Variants in SPDYC observed in about 807,000 individuals in gnomAD.
The protein encoded by SPDYC is speedy/RINGO cell cycle regulator family member C, also known as speedy protein C.
In SPDYC, 25 loss-of-function variants were observed where a neutral mutation model predicts 33.9. That is an observed-to-expected ratio of 0.74 (90% CI 0.54 to 1.03). The LOEUF is 1.03. Among genes scored for constraint, SPDYC ranks in the 50% least tolerant of loss-of-function variants. The pLI is 0.00. For missense variants in SPDYC, 349 were observed against 382.9 expected, an observed-to-expected ratio of 0.91 and a Z score of 0.74; for synonymous variants, 133 against 140.2, an observed-to-expected ratio of 0.95 and a Z score of 0.36.
exon 6 of SPDYC, chr11:65,172,734 C>T (rs1221042233): frequency 1.2e-6 from 2 of 1,613,156 alleles, no homozygotes; most frequent in African/African-American, 1.3e-5. Context: ...ACCGGCGCCC[C>T]CACCATGGTG....
downstream of SPDYC, chr11:65,173,271 T>G (rs2137291035): frequency 1.3e-6 from 2 of 1,594,406 alleles, no homozygotes. Flanking sequence ...TGACACACCA[T>G]TGGCTGTGCT....
intron 2 of SPDYC, 72 bp downstream of exon 2, chr11:65,171,571 C>T (rs1948434717): frequency 7.1e-7 from 1 of 1,417,846 alleles, no homozygotes; most frequent in Non-Finnish European, 9.3e-7. Flanking sequence ...TGTGGGGTCT[C>T]ACCTGCCTGT....
intron 6 of SPDYC, 66 bp from the exon 7 acceptor site, chr11:65,173,117 C>T (rs370278123): frequency 1.2e-4 from 188 of 1,603,834 alleles, no homozygotes; most frequent in Middle Eastern, 1.0e-3. Flanking sequence ...CTGGGGTCGA[C>T]GTGCTGCCCC....
chr11:65,172,229 C>A lies in SPDYC; in HGVS notation c.259-17C>A. The stretch of plus-strand genomic sequence containing the variant: ...CTCAGAGAATAACTAACCCCCCACC[C>A]CGATCTGTCTCTGCAGTATCTCCTG... On this transcript the variant is annotated splice_polypyrimidine_tract_variant and intron_variant, in intron 3 of 6. Coordinates refer to ENST00000377185, the Ensembl canonical transcript of SPDYC. The A allele has an allele frequency of 6.2e-7, 1 of 1,614,098 alleles. No individual in the cohort carries two copies. The highest frequency in any genetic ancestry group is 1.1e-5 in the South Asian group (1 of 91,092).
chr11:65,172,527 G>T, exon 5 of SPDYC: 3 of 1,577,152 alleles, frequency 1.9e-6, no homozygotes, highest in Non-Finnish European at 2.6e-6. Flanking sequence ...TACGAGTGGG[G>T]AAATTCCTGC....
exon 4 of SPDYC, chr11:65,172,275 C>T (rs144985521): frequency 6.2e-7 from 1 of 1,614,066 alleles, no homozygotes; most frequent in African/African-American, 1.3e-5. Flanking sequence ...TGGTCTACTT[C>T]CAGCGCGCCC....
chr11:65,170,445 C>G (rs1047148573), intron 1 of SPDYC, among the ~76,000 whole-genome samples, 184 bp downstream of exon 1: 1 of 152,182 alleles, frequency 6.6e-6, no homozygotes, highest in African/African-American at 2.4e-5. Context: ...TCAACTTGCT[C>G]TAAATCCAGG....
chr11:65,171,916 G>A lies in SPDYC; in HGVS notation c.200-27G>A, dbSNP rs78821014. 1,297 of 1,611,606 alleles carry A rather than the reference G, an allele frequency of 8.0e-4. 10 individuals are homozygous for A. The African/African-American group carries it at 0.012, about 15-fold the overall frequency. ...CTCCATGGAGGTGGTGGTAACCTGC[G>A]TCCTGTCATGTCTTCTCTACCCTCA... On this transcript the variant is annotated intron_variant, in intron 2 of 6. Transcript: ENST00000377185.
intron 6 of SPDYC, 69 bp from the exon 7 acceptor site, chr11:65,173,114 C>T (rs1319633429): frequency 6.2e-6 from 10 of 1,601,944 alleles, no homozygotes; most frequent in Admixed American, 1.7e-5. Flanking sequence ...GGCCTGGGGT[C>T]GACGTGCTGC....
At chr11:65,170,403 G>C in intron 1 of SPDYC, 142 bp downstream of exon 1, 1 of 750,978 alleles carries the variant, frequency 1.3e-6, no homozygotes, top group Non-Finnish European at 1.9e-6. Flanking sequence ...GTGGGTTTAG[G>C]ACGGGAGCTT....
At chr11:65,171,232 C>T in intron 1 of SPDYC, 95 bp from the exon 2 acceptor site, 1 of 1,376,758 alleles carries the variant, frequency 7.3e-7, no homozygotes, top group Non-Finnish European at 9.8e-7. Flanking sequence ...AGTCTCTGCA[C>T]CCACCCCTCC....
chr11:65,171,965 C>T (rs375301773), exon 3 of SPDYC: 208 of 1,613,930 alleles, frequency 1.3e-4, no homozygotes, highest in Non-Finnish European at 1.7e-4. Flanking sequence ...TCCAGGAATT[C>T]CTCTCCAAAG....
chr11:65,172,204 C>G (rs1273013948), intron 3 of SPDYC, 42 bp from the exon 4 acceptor site: 1 of 1,610,798 alleles, frequency 6.2e-7, no homozygotes, highest in Non-Finnish European at 8.5e-7. Flanking sequence ...GCCCCTCCTC[C>G]TCAGAGAATA....
At chr11:65,170,568 G>T (rs1948420030) in intron 1 of SPDYC, among the ~76,000 whole-genome samples, 2 of 152,100 alleles carry the variant, frequency 1.3e-5, no homozygotes, top group African/African-American at 4.8e-5. Context: ...GTGAGTTGGG[G>T]CCTAGAGGAG....
In SPDYC at chr11:65,171,515, T is replaced by A; in HGVS notation, c.199+16T>A. On this transcript the variant is annotated intron_variant, in intron 2 of 6. Coordinates refer to ENST00000377185, the Ensembl canonical transcript of SPDYC. ...AGCCTTCTGGGTGAGTTTGGAGGGC[T>A]GGCACGGGAGGGGCCGTGAGGTCAA... 1 of 1,541,856 alleles carries A rather than the reference T, an allele frequency of 6.5e-7. No individual in the cohort carries two copies.
chr11:65,171,105 C>A (rs1206650549), intron 1 of SPDYC, among the ~76,000 whole-genome samples: 1 of 151,982 alleles, frequency 6.6e-6, no homozygotes, highest in Non-Finnish European at 1.5e-5. Flanking sequence ...TCTGGCCTGT[C>A]CTGGGGTGCC....
At chr11:65,172,980 G>C (rs1341108902) in exon 6 of SPDYC, 1 of 1,613,820 alleles carries the variant, frequency 6.2e-7, no homozygotes, top group African/African-American at 1.3e-5. Flanking sequence ...TGCCTCCCCA[G>C]ATGCAACTGG....
At chr11:65,170,356 C>T (rs897228757) in intron 1 of SPDYC, 95 bp downstream of exon 1, 11 of 1,293,554 alleles carry the variant, frequency 8.5e-6, no homozygotes, top group African/African-American at 4.6e-5. Context: ...ACGTTCTCCT[C>T]GGCCCCGTGG....
chr11:65,170,318 C>G, intron 1 of SPDYC, 57 bp downstream of exon 1: 2 of 1,528,144 alleles, frequency 1.3e-6, no homozygotes, highest in Non-Finnish European at 1.8e-6. Flanking sequence ...ATGGAGGGGC[C>G]CAGATTGGCC....
Sources: allele counts gnomAD v4.1 joint callset (sites outside exome capture counted in the v4.1 genomes callset), GRCh38; gene constraint gnomAD v4.1.1; transcripts MANE v1.5; gene names NCBI Gene and HGNC (gene_info 2026-07-23, HGNC 2026-07-21).